Variants in TMEM232 observed in about 807,000 individuals in gnomAD.
TMEM232 encodes the protein transmembrane protein 232.
Under a neutral mutation model 78.8 loss-of-function variants are expected in TMEM232, and 80 were observed. The ratio of observed to expected loss-of-function variants is 1.01; its 90% CI spans 0.85 to 1.22. The LOEUF is 1.22. TMEM232 is among the 50% of genes most tolerant of loss of function. TMEM232 has a pLI of 0.00. For synonymous variants in TMEM232, 297 were observed against 254.3 expected, an observed-to-expected ratio of 1.17 and a Z score of -1.60; for missense variants, 881 against 742.2, an observed-to-expected ratio of 1.19 and a Z score of -2.17.
At chr5:110,618,326 T>G (rs1783201593) in intron 8 of TMEM232, 103 bp downstream of exon 8, 2 of 1,400,230 alleles carry the variant, frequency 1.4e-6, no homozygotes, top group Non-Finnish European at 1.9e-6. Context: ...ATTTGTTTCA[T>G]AGTCAACTGA....
chr5:110,595,635 G>C (rs908201764), intron 10 of TMEM232, among the ~76,000 whole-genome samples: 9 of 152,144 alleles, frequency 5.9e-5, no homozygotes, highest in African/African-American at 2.2e-4. Flanking sequence ...GCATACACAA[G>C]TATCAATAGC....
At chr5:110,397,172 G>A (rs1755419338) in intron 3 of TMEM232, among the ~76,000 whole-genome samples, 1 of 152,130 alleles carries the variant, frequency 6.6e-6, no homozygotes, top group Non-Finnish European at 1.5e-5. Flanking sequence ...AACCTCCTAT[G>A]AAGTAGCCAA....
At chr5:110,623,231 G>T (rs1442019246) in intron 7 of TMEM232, among the ~76,000 whole-genome samples, 1 of 150,000 alleles carries the variant, frequency 6.7e-6, no homozygotes, top group Non-Finnish European at 1.5e-5. Flanking sequence ...TGGAACCCAT[G>T]CTCATATGGC....
intron 12 of TMEM232, among the ~76,000 whole-genome samples, chr5:110,435,591 C>A (rs1402239445): frequency 6.6e-6 from 1 of 151,942 alleles, no homozygotes; most frequent in African/African-American, 2.4e-5. Flanking sequence ...CATCCCCACT[C>A]CCCTCCCGAC....
intron 12 of TMEM232, among the ~76,000 whole-genome samples, chr5:110,427,659 T>C (rs955708183): frequency 6.6e-6 from 1 of 151,766 alleles, no homozygotes; most frequent in Admixed American, 6.6e-5. Flanking sequence ...TCTTGGATAC[T>C]CCAGAAGCTT....
At position 110,471,419 on chromosome 5, in the gene TMEM232, G is replaced by T. The variant is rs573249112; in HGVS notation, c.1704-46503C>A. Among the ~76,000 whole-genome samples the T allele has an allele frequency of 8.5e-5, 13 of 152,090 alleles. No homozygotes were observed. The South Asian group carries it at 2.7e-3, about 32-fold the overall frequency. On this transcript the variant is annotated intron_variant, in intron 12 of 13. Coordinates refer to ENST00000455884, the MANE Select transcript of TMEM232 (RefSeq NM_001039763.4). ...ATAGATGAAGCTCAAAGGTCCCCAA[G>T]CAGATTAAAACCAAAGAGGACTTCA...
chr5:110,547,670 G>C (rs2149600628), intron 11 of TMEM232, among the ~76,000 whole-genome samples: 1 of 152,148 alleles, frequency 6.6e-6, no homozygotes, highest in Admixed American at 6.5e-5. Flanking sequence ...ATTATTCTTA[G>C]TCAATGAAAT....
rs1757071818 is a variant in TMEM232, at chr5:110,424,891, G to A, written c.1729C>T (p.Pro577Ser). The change falls in exon 13 of 14, where the codon CCC (proline) becomes TCC (serine). Residue 577 changes from proline (P) to serine (S), a missense_variant. Transcript: ENST00000455884. ...VREHPSVSEIPMFPYPDFFTK... is the reference protein window; with the variant it reads ...VREHPSVSEISMFPYPDFFTK... ...AAGAAATCTGGATATGGAAACATGG[G>A]AATTTCTGATACAGAAGGATGTTCC... 2.6e-6 allele frequency: 4 copies of A among 1,549,984 alleles called. No individual in the cohort carries two copies. Among genetic ancestry groups the A allele is most frequent in the Non-Finnish European group, 3.5e-6 (4 of 1,146,072 alleles).
At chr5:110,500,020 G>A (rs887878430) in intron 12 of TMEM232, among the ~76,000 whole-genome samples, 4 of 152,098 alleles carry the variant, frequency 2.6e-5, no homozygotes, top group South Asian at 2.1e-4. Context: ...GGCCAGGCGC[G>A]GTGGCTCACG....
chr5:110,567,090 C>A (rs1181009433), intron 11 of TMEM232, among the ~76,000 whole-genome samples: 1 of 151,708 alleles, frequency 6.6e-6, no homozygotes, highest in Admixed American at 6.6e-5. Flanking sequence ...TGGGAAAAAA[C>A]CCACTCCCAT....
intron 12 of TMEM232, among the ~76,000 whole-genome samples, chr5:110,447,085 T>C (rs577392361): frequency 1.3e-5 from 2 of 151,586 alleles, no homozygotes; most frequent in South Asian, 4.2e-4. Flanking sequence ...ACATAGGTAC[T>C]AATTTTGCCA....
intron 1 of TMEM232, among the ~76,000 whole-genome samples, chr5:110,672,168 T>C (rs986253093): frequency 6.6e-6 from 1 of 152,194 alleles, no homozygotes; most frequent in Admixed American, 6.6e-5. Context: ...TAATTAGTAA[T>C]ATTTTTTGAG....
chr5:110,599,207 T>C (rs1017764300), intron 10 of TMEM232, among the ~76,000 whole-genome samples: 4 of 152,042 alleles, frequency 2.6e-5, no homozygotes, highest in African/African-American at 9.7e-5. Flanking sequence ...TACCAGCCCC[T>C]GCAAAAACAT....
At chr5:110,579,577 A>T (rs769689711) in intron 10 of TMEM232, among the ~76,000 whole-genome samples, 1 of 151,832 alleles carries the variant, frequency 6.6e-6, no homozygotes, top group Non-Finnish European at 1.5e-5. Context: ...TGAGAAGTGT[A>T]GAGTTTTGTA....
chr5:110,583,029 C>T (rs1214830069), intron 10 of TMEM232, among the ~76,000 whole-genome samples: 1 of 151,890 alleles, frequency 6.6e-6, no homozygotes, highest in African/African-American at 2.4e-5. Context: ...AAAAGACATC[C>T]TTTGTTCCTA....
intron 12 of TMEM232, among the ~76,000 whole-genome samples, chr5:110,509,607 T>A (rs181061317): frequency 6.6e-6 from 1 of 152,214 alleles, no homozygotes; most frequent in Non-Finnish European, 1.5e-5. Flanking sequence ...CTGTTGTATA[T>A]ACATAAATAT....
At chr5:110,495,738 A>G (rs1328578701) in intron 12 of TMEM232, among the ~76,000 whole-genome samples, 2 of 151,906 alleles carry the variant, frequency 1.3e-5, no homozygotes, top group Non-Finnish European at 2.9e-5. Flanking sequence ...CTATGAAAAT[A>G]AACAAAATGA....
intron 1 of TMEM232, among the ~76,000 whole-genome samples, chr5:110,700,295 G>A (rs1244911887): frequency 6.6e-6 from 1 of 152,092 alleles, no homozygotes; most frequent in Non-Finnish European, 1.5e-5. Context: ...CTAAGGAATT[G>A]TCAAAATGAT....
chr5:110,447,526 C>CA (rs1414855054), intron 12 of TMEM232, among the ~76,000 whole-genome samples: 3 of 152,062 alleles, frequency 2.0e-5, no homozygotes, highest in African/African-American at 7.2e-5. Context: ...AGAAAACCTA[C>CA]AAATAACTTC....
Sources: allele counts gnomAD v4.1 joint callset (sites outside exome capture counted in the v4.1 genomes callset), GRCh38; gene constraint gnomAD v4.1.1; transcripts MANE v1.5; gene names NCBI Gene and HGNC (gene_info 2026-07-23, HGNC 2026-07-21).